LRCH1: variants seen among roughly 807,000 people sequenced by gnomAD.
LRCH1 encodes leucine rich repeats and calponin homology domain containing 1.
A neutral mutation model predicts 94.9 loss-of-function variants in LRCH1; 23 were observed. That is an observed-to-expected ratio of 0.24 (90% CI 0.17 to 0.34). LRCH1 has a LOEUF of 0.34. Among genes scored for constraint, LRCH1 ranks in the 10% least tolerant of loss-of-function variants. LRCH1 has a pLI of 1.00. For synonymous variants in LRCH1, 364 were observed against 354.9 expected (o/e 1.03, Z -0.29); for missense variants, 790 against 945.9 (o/e 0.84, Z 2.16).
In LRCH1 at chr13:46,664,786, G is replaced by A. The variant is rs762585483; in HGVS notation, c.453-4244G>A. On this transcript the variant is annotated intron_variant, in intron 2 of 19. Coordinates refer to ENST00000389797, the MANE Select transcript of LRCH1 (RefSeq NM_001164211.2). Reference sequence around the variant, plus strand: ...AGCATTTTCACATCTATAATGTCGTGTTAGGTAGGTCTTATTGTCTCTGTT... The same window carrying A: ...AGCATTTTCACATCTATAATGTCGTATTAGGTAGGTCTTATTGTCTCTGTT... Among the ~76,000 whole-genome samples, 61 of 152,254 alleles carry A rather than the reference G, an allele frequency of 4.0e-4. 1 individual carries two copies. Among genetic ancestry groups the A allele is most frequent in the Non-Finnish European group, 7.1e-4 (48 of 68,024 alleles).
At chr13:46,626,953 A>T (rs1042946452) in intron 1 of LRCH1, among the ~76,000 whole-genome samples, 9 of 152,078 alleles carry the variant, frequency 5.9e-5, no homozygotes, top group African/African-American at 2.2e-4. Flanking sequence ...ATTTCCTTTA[A>T]TTTCTTTATG....
intron 2 of LRCH1, among the ~76,000 whole-genome samples, chr13:46,652,831 T>C (rs2051324682): frequency 6.6e-6 from 1 of 152,246 alleles, no homozygotes; most frequent in African/African-American, 2.4e-5. Context: ...GAGAAACTTT[T>C]GGGTATAGAT....
At chr13:46,691,777 C>T (rs553083798) in intron 7 of LRCH1, among the ~76,000 whole-genome samples, 1 of 152,158 alleles carries the variant, frequency 6.6e-6, no homozygotes, top group Non-Finnish European at 1.5e-5. Context: ...GCAACCTCTG[C>T]CTCCCGGGTT....
intron 19 of LRCH1, among the ~76,000 whole-genome samples, chr13:46,739,889 A>G (rs1315679809): frequency 6.6e-6 from 1 of 152,156 alleles, no homozygotes; most frequent in Admixed American, 6.5e-5. Context: ...GGAGTGTACT[A>G]CTGAAAACTG....
chr13:46,706,153 A>G (rs1871748719), intron 13 of LRCH1, among the ~76,000 whole-genome samples: 1 of 152,226 alleles, frequency 6.6e-6, no homozygotes, highest in South Asian at 2.1e-4. Context: ...ATGTTGCTAG[A>G]GAGTGTGGTT....
At chr13:46,680,636 C>T (rs2051738046) in intron 3 of LRCH1, among the ~76,000 whole-genome samples, 1 of 152,194 alleles carries the variant, frequency 6.6e-6, no homozygotes, top group Non-Finnish European at 1.5e-5. Flanking sequence ...TTATGAAATA[C>T]TGAAAACTGC....
intron 1 of LRCH1, among the ~76,000 whole-genome samples, chr13:46,585,758 T>C (rs2050428538): frequency 6.6e-6 from 1 of 152,094 alleles, no homozygotes; most frequent in Admixed American, 6.6e-5. Context: ...AACGTTGTCA[T>C]TCCCCCTGCC....
chr13:46,655,078 G>T (rs922388949), intron 2 of LRCH1, among the ~76,000 whole-genome samples: 1 of 152,152 alleles, frequency 6.6e-6, no homozygotes, highest in African/African-American at 2.4e-5. Flanking sequence ...ACCCTCTGGG[G>T]TATATTGTGT....
chr13:46,745,208 A>G (rs2760353), downstream of LRCH1, among the ~76,000 whole-genome samples: 29,980 of 151,964 alleles, frequency 0.2, 6,885 homozygotes, highest in African/African-American at 0.55. Context: ...AGCCTTAGAC[A>G]ATACATCAAA....
chr13:46,591,859 T>C (rs2050503314), intron 1 of LRCH1, among the ~76,000 whole-genome samples: 2 of 152,262 alleles, frequency 1.3e-5, no homozygotes. Context: ...ATTCAATTCA[T>C]TGGATCCGAG....
At chr13:46,687,522 T>A (rs996957952) in intron 5 of LRCH1, among the ~76,000 whole-genome samples, 1 of 152,248 alleles carries the variant, frequency 6.6e-6, no homozygotes, top group Non-Finnish European at 1.5e-5. Context: ...GCTTTTCTCA[T>A]CTTTTGTAAC....
Position 46,712,538 on chromosome 13 carries a change from C to G in LRCH1, c.1595C>G (p.Ser532Cys). The G allele has an allele frequency of 6.2e-7, 1 of 1,613,650 alleles. No individual in the cohort carries two copies. The highest frequency in any genetic ancestry group is 1.1e-5 in the South Asian group (1 of 91,052). Reference sequence around the variant, plus strand: ...CCAACACCACAGATTAGAGAGAACTCCCCTGCAGTCTCTCCTACCACAAAC... The same window carrying G: ...CCAACACCACAGATTAGAGAGAACTGCCCTGCAGTCTCTCCTACCACAAAC... ...QYSPNEIREN[S>C]PAVSPTTNST... Residue 532 changes from serine to cysteine, a missense_variant, in exon 15 of 20, where the codon TCC (serine) becomes TGC (cysteine). Ser to Cys is a moderately radical substitution (Grantham distance 112). Transcript: ENST00000389797.
At chr13:46,693,917 A>G (rs964443368) in intron 8 of LRCH1, among the ~76,000 whole-genome samples, 4 of 115,452 alleles carry the variant, frequency 3.5e-5, no homozygotes, top group Admixed American at 9.8e-5. Flanking sequence ...CTTATTCATG[A>G]TAGGAGAGCT....
chr13:46,650,458 A>G, intron 2 of LRCH1, 113 bp downstream of exon 2: 1 of 824,328 alleles, frequency 1.2e-6, no homozygotes, highest in African/African-American at 1.7e-5. Context: ...TCTTTGATGT[A>G]GGTCACACAC....
At chr13:46,599,102 G>A in intron 1 of LRCH1, among the ~76,000 whole-genome samples, 1 of 152,074 alleles carries the variant, frequency 6.6e-6, no homozygotes, top group Non-Finnish European at 1.5e-5. Context: ...TGTCTTTTTA[G>A]TATTGGCTGA....
At chr13:46,669,988 G>A (rs1266265619) in intron 3 of LRCH1, among the ~76,000 whole-genome samples, 2 of 152,190 alleles carry the variant, frequency 1.3e-5, no homozygotes, top group Admixed American at 6.5e-5. Flanking sequence ...TGGCCAATAA[G>A]TTTTGTCTTT....
intron 2 of LRCH1, among the ~76,000 whole-genome samples, chr13:46,664,541 C>G (rs1273621873): frequency 6.6e-6 from 1 of 152,156 alleles, no homozygotes; most frequent in African/African-American, 2.4e-5. Context: ...ATGGAGTAGG[C>G]TAGACACTTA....
chr13:46,556,412 C>A (rs1337984672), intron 1 of LRCH1, among the ~76,000 whole-genome samples: 1 of 152,182 alleles, frequency 6.6e-6, no homozygotes, highest in Middle Eastern at 3.2e-3. Flanking sequence ...TATTAATTTA[C>A]TTCTATTTGA....
At chr13:46,674,850 T>G (rs2051649308) in intron 3 of LRCH1, among the ~76,000 whole-genome samples, 1 of 152,336 alleles carries the variant, frequency 6.6e-6, no homozygotes, top group South Asian at 2.1e-4. Context: ...ACCAGGTTTT[T>G]TAATCAGCGT....
Sources: allele counts gnomAD v4.1 joint callset (sites outside exome capture counted in the v4.1 genomes callset), GRCh38; gene constraint gnomAD v4.1.1; transcripts MANE v1.5; gene names NCBI Gene and HGNC (gene_info 2026-07-23, HGNC 2026-07-21).